The following MARCHF10 variants were observed in gnomAD, a reference collection of about 807,000 sequenced individuals.
MARCHF10 encodes probable E3 ubiquitin-protein ligase MARCHF10.
MARCHF10 carries 64 observed loss-of-function variants against 76.2 expected under a neutral mutation model. The observed-to-expected ratio is 0.84, with a 90% confidence interval of 0.69 to 1.03. The LOEUF is 1.03. Ranked by LOEUF, MARCHF10 falls within the 50% of genes least tolerant of loss-of-function variation. The pLI is 0.00. For missense variants in MARCHF10, 875 were observed against 958.0 expected (o/e 0.91, Z 1.14); for synonymous variants, 340 against 357.5 (o/e 0.95, Z 0.55).
At chr17:62,772,223 G>A (rs1388107413) in intron 3 of MARCHF10, among the ~76,000 whole-genome samples, 1 of 152,078 alleles carries the variant, frequency 6.6e-6, no homozygotes, top group Non-Finnish European at 1.5e-5. Context: ...TTCCTGTGTT[G>A]TTCTTGTGAT....
At chr17:62,757,212 C>G (rs904353225) in intron 4 of MARCHF10, among the ~76,000 whole-genome samples, 1 of 151,942 alleles carries the variant, frequency 6.6e-6, no homozygotes, top group African/African-American at 2.4e-5. Context: ...GCAGATGTTG[C>G]GAAGGAATTT....
intron 3 of MARCHF10, among the ~76,000 whole-genome samples, chr17:62,766,767 T>C (rs187500266): frequency 6.6e-6 from 1 of 152,292 alleles, no homozygotes; most frequent in African/African-American, 2.4e-5. Flanking sequence ...TCAATTGAGA[T>C]GTATCATACG....
intron 3 of MARCHF10, among the ~76,000 whole-genome samples, chr17:62,787,366 T>C (rs557531984): frequency 6.6e-6 from 1 of 152,090 alleles, no homozygotes; most frequent in East Asian, 1.9e-4. Flanking sequence ...TTGATTGATA[T>C]CACGTATTCA....
intron 3 of MARCHF10, among the ~76,000 whole-genome samples, chr17:62,773,228 G>C (rs1236845525): frequency 6.6e-6 from 1 of 152,142 alleles, no homozygotes; most frequent in African/African-American, 2.4e-5. Flanking sequence ...AAGAGGAGCA[G>C]GTGGCTTTGC....
chr17:62,762,702 T>C (rs2147964373), intron 3 of MARCHF10, among the ~76,000 whole-genome samples: 1 of 152,300 alleles, frequency 6.6e-6, no homozygotes, highest in South Asian at 2.1e-4. Flanking sequence ...ACACGCACCA[T>C]GCCTGGCTAA....
chr17:62,718,040 T>C (rs1047203315), intron 8 of MARCHF10, among the ~76,000 whole-genome samples: 1 of 152,166 alleles, frequency 6.6e-6, no homozygotes, highest in African/African-American at 2.4e-5. Flanking sequence ...GCCAAGTCAG[T>C]CGAGCGTCTC....
chr17:62,768,327 G>C (rs2092379415), intron 3 of MARCHF10, among the ~76,000 whole-genome samples: 1 of 152,136 alleles, frequency 6.6e-6, no homozygotes, highest in Non-Finnish European at 1.5e-5. Flanking sequence ...GACCAGCCTG[G>C]CCAACATGGT....
chr17:62,730,802 G>A (rs554196842), intron 6 of MARCHF10, among the ~76,000 whole-genome samples: 11 of 152,240 alleles, frequency 7.2e-5, no homozygotes, highest in Non-Finnish European at 2.9e-5. Flanking sequence ...GCTGAGGCAG[G>A]AGAATCACTT....
At chr17:62,795,835 C>T (rs2092975439) in intron 2 of MARCHF10, among the ~76,000 whole-genome samples, 2 of 152,124 alleles carry the variant, frequency 1.3e-5, no homozygotes, top group Admixed American at 1.3e-4. Flanking sequence ...CCTGGTCACA[C>T]TGGACCTGGA....
rs763003434 is a variant in MARCHF10 at position 62,788,532 on chromosome 17, T to C, written c.158A>G (p.Gln53Arg). 6.2e-7 allele frequency: 1 copy of C among 1,614,162 alleles called. No homozygotes were observed. The stretch of plus-strand genomic sequence containing the variant: ...CCGGGATCTCTCAAAACTTGTCTCT[T>C]GCCCCCAAAACTGATCGCGTTTCTT... ...NEKKRDQFWG[Q>R]ETSFERSRFS... The change falls in exon 3 of 11, where the codon CAA becomes CGA. Residue 53 changes from glutamine to arginine, a missense_variant. By Grantham distance (43) the Gln-to-Arg change is conservative. Transcript: ENST00000311269.
At chr17:62,790,720 A>G (rs748773311) in intron 2 of MARCHF10, among the ~76,000 whole-genome samples, 2 of 152,250 alleles carry the variant, frequency 1.3e-5, no homozygotes, top group Admixed American at 6.5e-5. Context: ...AGTAGGACTT[A>G]CCAGAATTTC....
At chr17:62,792,881 C>T (rs1181625600) in intron 2 of MARCHF10, among the ~76,000 whole-genome samples, 1 of 142,978 alleles carries the variant, frequency 7.0e-6, no homozygotes, top group African/African-American at 2.6e-5. Flanking sequence ...ATCACCATCC[C>T]CTCCATCAAC....
intron 10 of MARCHF10, 44 bp from the exon 11 acceptor site, chr17:62,701,802 C>G: frequency 6.2e-7 from 1 of 1,613,024 alleles, no homozygotes; most frequent in East Asian, 2.2e-5. Flanking sequence ...CCGCAGCAGA[C>G]CGTGGGTCTG....
rs776493748 is a variant in MARCHF10, at chr17:62,711,311, G to C, written c.2248C>G (p.Leu750Val). The part of the protein sequence containing the change: ...QNELMNSGLY[L>V]VLLLHLYEQR... ...TCATAGAGGTGAAGCAGCAGCACCA[G>C]GTACAAGCCTGAATTCATCAGCTCG... The change falls in exon 9 of 11, where the codon CTG becomes GTG. Residue 750 changes from leucine to valine, a missense_variant. Physicochemically the swap from Leu to Val is conservative, Grantham distance 32. Transcript: ENST00000311269. This position sits in a 1 kb window ranked among gnomAD's most constrained non-coding sequence, Gnocchi z 4.4. 2 of 1,614,150 alleles carry C rather than the reference G, an allele frequency of 1.2e-6. No homozygotes were observed. The highest frequency in any genetic ancestry group is 1.7e-6 in the Non-Finnish European group (2 of 1,180,010).
At chr17:62,793,161 CACCACCACCTCCATCACT>C (rs2092900730) in intron 2 of MARCHF10, among the ~76,000 whole-genome samples, 1 of 143,864 alleles carries the variant, frequency 7.0e-6, no homozygotes, top group African/African-American at 2.6e-5. Flanking sequence ...CCACCATCAC[CACCACCACCTCCATCACT>C]ACCACCACCA....
intron 9 of MARCHF10, among the ~76,000 whole-genome samples, chr17:62,709,075 G>A (rs1467715510): frequency 6.6e-6 from 1 of 152,194 alleles, no homozygotes; most frequent in Non-Finnish European, 1.5e-5. Context: ...TTTACGGAAA[G>A]GGACATCAGG....
intron 1 of MARCHF10, among the ~76,000 whole-genome samples, chr17:62,805,729 T>G (rs2093152309): frequency 6.6e-6 from 1 of 152,040 alleles, no homozygotes; most frequent in South Asian, 2.1e-4. Context: ...CTGGCCAACG[T>G]GGCAAAACCC....
At chr17:62,733,563 C>A (rs144573053) in intron 6 of MARCHF10, among the ~76,000 whole-genome samples, 1 of 152,274 alleles carries the variant, frequency 6.6e-6, no homozygotes, top group African/African-American at 2.4e-5. Flanking sequence ...AGCCCACCAG[C>A]CCACCAGCCC....
chr17:62,715,489 G>A (rs1157606969), intron 8 of MARCHF10, among the ~76,000 whole-genome samples: 6 of 152,158 alleles, frequency 3.9e-5, no homozygotes, highest in Non-Finnish European at 5.9e-5. Context: ...TTGGCTCGCC[G>A]CATGCTGCTG....
Sources: gnomAD v4.1 joint callset for allele counts (sites outside exome capture counted in the v4.1 genomes callset) on GRCh38, gnomAD v4.1.1 for gene constraint, Gnocchi (gnomAD v3.1) non-coding constraint, MANE v1.5 for transcripts, NCBI Gene and HGNC (gene_info 2026-07-23, HGNC 2026-07-21) for gene names.